Variants in DNM3 observed in about 807,000 individuals in gnomAD.
DNM3 encodes the protein dynamin 3.
In DNM3, 47 loss-of-function variants were observed where a neutral mutation model predicts 101.6. That is an observed-to-expected ratio of 0.46 (90% CI 0.37 to 0.59). The LOEUF is 0.59. Among genes scored for constraint, DNM3 ranks in the 20% least tolerant of loss-of-function variants. DNM3 has a pLI of 0.00. For synonymous variants in DNM3, 385 were observed against 387.9 expected (o/e 0.99, Z 0.09); for missense variants, 849 against 1,085.7 (o/e 0.78, Z 3.06).
Position 172,410,316 on chromosome 1 carries a change from T to C in DNM3, c.*2475T>C. On this transcript the variant is annotated 3_prime_UTR_variant, in exon 21 of 21. Coordinates refer to ENST00000627582, the MANE Select transcript of DNM3 (RefSeq NM_015569.5). ...TGCACACCAGGCCTTAAGATGGGAA[T>C]GTAGCTTAATGATTTTCTGTTTCCC... 3.0e-6 allele frequency: 3 copies of C among 985,360 alleles called. No homozygotes were observed. Among genetic ancestry groups the C allele is most frequent in the Non-Finnish European group, 3.6e-6 (3 of 829,866 alleles). The allele number at this position is 985,360 out of a possible 1,614,324, so 61.0% of individuals were successfully genotyped here. A position where few individuals can be genotyped will look rare whatever the true frequency, so the allele number is the denominator to read the frequency against.
At chr1:172,257,330 A>G (rs557495871) in intron 15 of DNM3, among the ~76,000 whole-genome samples, 42 of 152,244 alleles carry the variant, frequency 2.8e-4, no homozygotes, top group Admixed American at 2.7e-3. Flanking sequence ...AAAAACTCAC[A>G]AAGAATCTTA....
Position 172,041,999 on chromosome 1 carries a change from A to T in DNM3, c.993-10A>T, listed in dbSNP as rs751338207. On this transcript the variant is annotated splice_polypyrimidine_tract_variant and intron_variant, in intron 7 of 20. Coordinates refer to ENST00000627582, the MANE Select transcript of DNM3 (RefSeq NM_015569.5). ...TTTGACTTGAATCTATTTCTCTTTAACAATTACAGGATGGTTCAGCAATTT... is the reference window on the plus strand; with the variant it reads ...TTTGACTTGAATCTATTTCTCTTTATCAATTACAGGATGGTTCAGCAATTT... 6.4e-7 allele frequency: 1 copy of T among 1,570,236 alleles called. No individual in the cohort carries two copies. The highest frequency in any genetic ancestry group is 2.3e-5 in the East Asian group (1 of 44,356).
intron 14 of DNM3, among the ~76,000 whole-genome samples, chr1:172,186,439 A>G (rs2148416163): frequency 6.6e-6 from 1 of 151,922 alleles, no homozygotes; most frequent in South Asian, 2.1e-4. Flanking sequence ...TGACCACCTT[A>G]AGGTAGTACC....
chr1:172,110,715 A>G (rs1345003591), intron 13 of DNM3, among the ~76,000 whole-genome samples: 2 of 152,222 alleles, frequency 1.3e-5, no homozygotes, highest in Non-Finnish European at 2.9e-5. Context: ...TCAGTTTTCC[A>G]TCTAAATAAA....
intron 1 of DNM3, among the ~76,000 whole-genome samples, chr1:171,887,666 C>T (rs1330912049): frequency 3.3e-5 from 5 of 151,854 alleles, no homozygotes; most frequent in South Asian, 2.1e-4. Context: ...AATTCTTTCA[C>T]GTGGTTCAAA....
At chr1:172,152,826 A>G (rs1037959109) in intron 14 of DNM3, among the ~76,000 whole-genome samples, 3 of 152,136 alleles carry the variant, frequency 2.0e-5, no homozygotes, top group African/African-American at 7.2e-5. Flanking sequence ...GGGCCATGTT[A>G]AAAACGGTTT....
rs189347541 is a variant in DNM3 at position 171,953,648 on chromosome 1, C to A, written c.235+31827C>A. ...TTCACCATATTGGCCAGGCTTGTCT[C>A]GAACTTCTGACCTCAGGTGATCTAC... On this transcript the variant is annotated intron_variant, in intron 2 of 20. Transcript: ENST00000627582. Among the ~76,000 whole-genome samples the A allele has an allele frequency of 1.3e-3, 195 of 152,022 alleles. 1 individual carries two copies. Among genetic ancestry groups the A allele is most frequent in the African/African-American group, 4.6e-3 (190 of 41,484 alleles).
At chr1:172,008,906 T>C (rs1199315497) in intron 4 of DNM3, among the ~76,000 whole-genome samples, 1 of 137,632 alleles carries the variant, frequency 7.3e-6, no homozygotes, top group Non-Finnish European at 1.6e-5. Context: ...TTAATAAATA[T>C]ATCATATTAA....
At chr1:171,971,926 A>G (rs944367076) in intron 2 of DNM3, among the ~76,000 whole-genome samples, 1 of 152,182 alleles carries the variant, frequency 6.6e-6, no homozygotes, top group Non-Finnish European at 1.5e-5. Context: ...ATCTGCTTCT[A>G]AAAGGAAAGT....
Position 171,865,967 on chromosome 1 carries a change from T to C in DNM3, c.161+24150T>C, listed in dbSNP as rs570472287. 2.6e-5 allele frequency among the ~76,000 whole-genome samples: 4 copies of C among 152,336 alleles called. No homozygotes were observed. The South Asian group carries it at 8.3e-4, about 32-fold the overall frequency. On this transcript the variant is annotated intron_variant, in intron 1 of 20. Transcript: ENST00000627582. Reference sequence around the variant, plus strand: ...CATCTTCCCCAGAGAGGTCATGTCCTCTGTGTATTCTCTTAATCAACAAAC... The same window carrying C: ...CATCTTCCCCAGAGAGGTCATGTCCCCTGTGTATTCTCTTAATCAACAAAC...
intron 10 of DNM3, among the ~76,000 whole-genome samples, chr1:172,061,407 A>T (rs958267306): frequency 7.3e-5 from 11 of 151,050 alleles, no homozygotes; most frequent in Admixed American, 5.3e-4. Flanking sequence ...ATGTATGTTT[A>T]TTGCAGCACT....
At chr1:171,978,320 AAG>A (rs1182215185) in intron 2 of DNM3, among the ~76,000 whole-genome samples, 2 of 152,194 alleles carry the variant, frequency 1.3e-5, no homozygotes, top group African/African-American at 4.8e-5. Flanking sequence ...AACCTCTCTA[AAG>A]AGATGATATT....
Position 171,841,719 on chromosome 1 carries a change from G to C in DNM3, c.63G>C (p.Ser21=). Residue 21 remains serine (S), a synonymous_variant, in exon 1 of 21, where the codon TCG becomes TCC. Coordinates refer to ENST00000627582, the MANE Select transcript of DNM3 (RefSeq NM_015569.5). ...TGAACCGTCTGCAGGACGCGTTTTC[G>C]GCGCTGGGACAGAGCTGCCTGCTGG... is the stretch of plus-strand genomic sequence containing the variant. The part of the protein sequence containing the change: ...PLVNRLQDAF[S]ALGQSCLLEL... The C allele has an allele frequency of 6.2e-7, 1 of 1,611,448 alleles. No homozygotes were observed. Among genetic ancestry groups the C allele is most frequent in the Non-Finnish European group, 8.5e-7 (1 of 1,179,316 alleles).
At chr1:172,385,824 A>T (rs1335102943) in intron 18 of DNM3, among the ~76,000 whole-genome samples, 1 of 152,228 alleles carries the variant, frequency 6.6e-6, no homozygotes, top group Non-Finnish European at 1.5e-5. Context: ...TAGCTTTCTC[A>T]TGTAACAGAG....
At chr1:172,069,285 A>G (rs983061782) in intron 11 of DNM3, among the ~76,000 whole-genome samples, 5 of 152,156 alleles carry the variant, frequency 3.3e-5, no homozygotes, top group African/African-American at 9.7e-5. Context: ...GGGCCCACAG[A>G]TGGACTCCAG....
chr1:171,901,615 A>G (rs1181116960), intron 1 of DNM3, among the ~76,000 whole-genome samples: 1 of 152,232 alleles, frequency 6.6e-6, no homozygotes, highest in East Asian at 1.9e-4. Flanking sequence ...TAATAATGCC[A>G]ATAAAAGCTC....
chr1:172,041,965 G>C, intron 7 of DNM3, 44 bp from the exon 8 acceptor site: 2 of 1,542,432 alleles, frequency 1.3e-6, no homozygotes, highest in Non-Finnish European at 8.7e-7. Flanking sequence ...GAGTGCAAAG[G>C]CTTGTAACTT....
chr1:172,351,817 A>T (rs1362525275), intron 17 of DNM3, among the ~76,000 whole-genome samples: 2 of 152,176 alleles, frequency 1.3e-5, no homozygotes, highest in Non-Finnish European at 2.9e-5. Context: ...GAGCTATGTG[A>T]CTACATTCTT....
At chr1:172,336,812 A>G (rs1312034755) in intron 17 of DNM3, among the ~76,000 whole-genome samples, 3 of 152,142 alleles carry the variant, frequency 2.0e-5, no homozygotes, top group Non-Finnish European at 2.9e-5. Flanking sequence ...AGTGCCAGTC[A>G]GAGCTCAAAT....
Sources: allele counts gnomAD v4.1 joint callset (sites outside exome capture counted in the v4.1 genomes callset), GRCh38; gene constraint gnomAD v4.1.1; transcripts MANE v1.5; gene names NCBI Gene and HGNC (gene_info 2026-07-23, HGNC 2026-07-21).